Variants in KCNIP1 observed in about 807,000 individuals in gnomAD.
The protein encoded by KCNIP1 is potassium voltage-gated channel interacting protein 1, also known as A-type potassium channel modulatory protein KCNIP1.
Under a neutral mutation model 33.0 loss-of-function variants are expected in KCNIP1, and 18 were observed. That is an observed-to-expected ratio of 0.55 (90% CI 0.38 to 0.81). The LOEUF (loss-of-function observed/expected upper bound fraction) is 0.81, where lower values mean the gene tolerates loss of function less well. Among genes scored for constraint, KCNIP1 ranks in the 30% least tolerant of loss-of-function variants. The pLI is 0.00. For synonymous variants in KCNIP1, 93 were observed against 98.3 expected (o/e 0.95, Z 0.32); for missense variants, 238 against 271.6 (o/e 0.88, Z 0.87).
At chr5:170,558,555 G>A (rs1010425364) in intron 1 of KCNIP1, among the ~76,000 whole-genome samples, 1 of 152,172 alleles carries the variant, frequency 6.6e-6, no homozygotes, top group Admixed American at 6.5e-5. Flanking sequence ...TCATGGAAGC[G>A]CTCTCACAGT....
intron 1 of KCNIP1, chr5:170,712,745 A>C (rs1763496423): frequency 2.0e-6 from 2 of 1,009,440 alleles, no homozygotes; most frequent in Non-Finnish European, 3.2e-6. Context: ...GCATATGTCA[A>C]GCTGGACGAC....
chr5:170,354,852 C>A (rs555123419), intron 1 of KCNIP1, among the ~76,000 whole-genome samples: 33 of 152,154 alleles, frequency 2.2e-4, no homozygotes, highest in Non-Finnish European at 4.4e-4. Context: ...GTTCCACTGG[C>A]TGAAAAAACG....
At chr5:170,464,504 A>G (rs1013948644) in intron 1 of KCNIP1, among the ~76,000 whole-genome samples, 1 of 152,240 alleles carries the variant, frequency 6.6e-6, no homozygotes, top group Non-Finnish European at 1.5e-5. Context: ...CTTCAAAGCT[A>G]TGGCAGTGAA....
chr5:170,488,852 A>G (rs1278434083), intron 1 of KCNIP1, among the ~76,000 whole-genome samples: 1 of 152,114 alleles, frequency 6.6e-6, no homozygotes, highest in Non-Finnish European at 1.5e-5. Flanking sequence ...GGACCCAGAG[A>G]AGGGAGAGAA....
At chr5:170,500,157 TG>T (rs918569391), upstream of KCNIP1, among the ~76,000 whole-genome samples, 1 of 152,130 alleles carries the variant, frequency 6.6e-6, no homozygotes, top group Non-Finnish European at 1.5e-5. Context: ...TCTTTGTGCG[TG>T]GGGGGTCTTT....
At chr5:170,581,296 G>A (rs1368791598) in intron 1 of KCNIP1, among the ~76,000 whole-genome samples, 2 of 152,210 alleles carry the variant, frequency 1.3e-5, no homozygotes, top group Admixed American at 6.5e-5. Flanking sequence ...AAGTGTCAGA[G>A]TCAGGCTAGA....
At chr5:170,427,714 C>T (rs1265245189) in intron 1 of KCNIP1, among the ~76,000 whole-genome samples, 1 of 152,218 alleles carries the variant, frequency 6.6e-6, no homozygotes, top group Non-Finnish European at 1.5e-5. Context: ...CCTGTGGGGT[C>T]TGCCACCTCC....
intron 5 of KCNIP1, among the ~76,000 whole-genome samples, chr5:170,729,921 G>A (rs10073835): frequency 0.14 from 21,403 of 152,020 alleles, 1,994 homozygotes; most frequent in African/African-American, 0.27. Context: ...AAAGCAAGAA[G>A]AGTCTTCAGG....
At chr5:170,678,299 C>T (rs1298143347) in intron 1 of KCNIP1, 5 of 152,212 alleles carry the variant, frequency 3.3e-5, no homozygotes, top group Non-Finnish European at 7.3e-5. Flanking sequence ...ACACCCACTA[C>T]TATGAGACCT....
At chr5:170,407,392 G>A (rs969196287) in intron 1 of KCNIP1, among the ~76,000 whole-genome samples, 1 of 152,222 alleles carries the variant, frequency 6.6e-6, no homozygotes, top group Non-Finnish European at 1.5e-5. Context: ...TAAGGGTACT[G>A]TCTGCCTTGG....
intron 1 of KCNIP1, chr5:170,375,563 CT>C (rs921880570): frequency 2.1e-5 from 2 of 96,842 alleles, no homozygotes; most frequent in South Asian, 3.6e-4. Context: ...GGCTCTGCCC[CT>C]CAGCCCTTCA....
chr5:170,381,956 C>T (rs1406547785), intron 1 of KCNIP1, among the ~76,000 whole-genome samples: 1 of 152,180 alleles, frequency 6.6e-6, no homozygotes, highest in African/African-American at 2.4e-5. Flanking sequence ...GAACACCTGA[C>T]CATCCTGCAC....
chr5:170,646,575 A>C (rs538998230), intron 1 of KCNIP1, among the ~76,000 whole-genome samples: 1 of 152,178 alleles, frequency 6.6e-6, no homozygotes, highest in Non-Finnish European at 1.5e-5. Context: ...AAAACAAGGA[A>C]TAGAGGGGAA....
intron 1 of KCNIP1, among the ~76,000 whole-genome samples, chr5:170,483,563 G>T (rs1257009870): frequency 2.0e-5 from 3 of 152,180 alleles, no homozygotes; most frequent in African/African-American, 2.4e-5. Context: ...GGGCCGCAAG[G>T]TTCCAGATGG....
At chr5:170,626,012 G>A (rs1759806615) in intron 1 of KCNIP1, among the ~76,000 whole-genome samples, 2 of 152,164 alleles carry the variant, frequency 1.3e-5, no homozygotes, top group Admixed American at 6.5e-5. Flanking sequence ...TATACTGAGC[G>A]ATGAGGTGAG....
At position 170,736,207 on chromosome 5, in the gene KCNIP1, G is replaced by A. The variant is rs1032072568; in HGVS notation, c.*401G>A. 2.7e-5 allele frequency: 5 copies of A among 188,490 alleles called. No homozygotes were observed. Among genetic ancestry groups the A allele is most frequent in the Non-Finnish European group, 5.5e-5 (5 of 90,636 alleles). 11.7% of individuals were successfully genotyped at this position (188,490 alleles called of 1,614,324 possible). On this transcript the variant is annotated 3_prime_UTR_variant, in exon 8 of 8. Coordinates refer to ENST00000328939, the MANE Select transcript of KCNIP1 (RefSeq NM_014592.4). ...TCTGGAAGCAAGAGGACCTGAGCCA[G>A]ATGCACACCATCTCTGATGGCCTCC... is the stretch of plus-strand genomic sequence containing the variant.
chr5:170,681,612 T>G (rs1168696770), intron 1 of KCNIP1, among the ~76,000 whole-genome samples: 1 of 152,230 alleles, frequency 6.6e-6, no homozygotes, highest in Non-Finnish European at 1.5e-5. Context: ...GGTAAAAACC[T>G]TTGTAAAATG....
At chr5:170,402,736 G>C (rs1370327731) in intron 1 of KCNIP1, among the ~76,000 whole-genome samples, 1 of 152,214 alleles carries the variant, frequency 6.6e-6, no homozygotes, top group Non-Finnish European at 1.5e-5. Flanking sequence ...AGGCTCAGTG[G>C]CTTCTCAGCA....
intron 1 of KCNIP1, among the ~76,000 whole-genome samples, chr5:170,614,181 C>A (rs1033397851): frequency 8.5e-5 from 13 of 152,206 alleles, no homozygotes; most frequent in Non-Finnish European, 1.8e-4. Context: ...CTAAATATTG[C>A]CGCAGCCAGG....
Sources: gnomAD v4.1 joint callset for allele counts (sites outside exome capture counted in the v4.1 genomes callset) on GRCh38, gnomAD v4.1.1 for gene constraint, MANE v1.5 for transcripts, NCBI Gene and HGNC (gene_info 2026-07-23, HGNC 2026-07-21) for gene names.